The following SAFB2 variants were observed in gnomAD, a reference collection of about 807,000 sequenced individuals.
SAFB2 encodes the protein scaffold attachment factor B2.
SAFB2 carries 32 observed loss-of-function variants against 100.6 expected under a neutral mutation model. The observed-to-expected ratio is 0.32, with a 90% CI of 0.24 to 0.43. The LOEUF (loss-of-function observed/expected upper bound fraction) is 0.43, where lower values mean the gene tolerates loss of function less well. SAFB2 is among the 20% of genes least tolerant of loss of function. The probability of loss-of-function intolerance (pLI) is 1.00; values close to 1 mark genes in which losing one functional copy is unlikely to be tolerated. For missense variants in SAFB2, 1,185 were observed against 1,163.4 expected (o/e 1.02, Z -0.27); for synonymous variants, 500 against 439.4 (o/e 1.14, Z -1.72).
intron 1 of SAFB2, among the ~76,000 whole-genome samples, chr19:5,622,294 C>T (rs1374117966): frequency 6.6e-6 from 1 of 152,192 alleles, no homozygotes; most frequent in African/African-American, 2.4e-5. Context: ...GAAGACCGCA[C>T]GCTGAGCGCG....
At chr19:5,613,705 ACT>A (rs1286731756) in intron 4 of SAFB2, 178 bp from the exon 5 acceptor site, 2 of 985,048 alleles carry the variant, frequency 2.0e-6, no homozygotes, top group African/African-American at 3.5e-5. Context: ...ACACTCCACG[ACT>A]CTGCTCCACC....
Position 5,597,318 on chromosome 19 carries a change from A to G in SAFB2, c.1782+1475T>C, listed in dbSNP as rs557097199. ...TGGTGGCGCACACCTCTAATCCAGC[A>G]AGTTTGGAAGATCAAGGCGAGAGAA... On this transcript the variant is annotated intron_variant, in intron 13 of 20. Coordinates refer to ENST00000252542, the MANE Select transcript of SAFB2 (RefSeq NM_014649.3). Among the ~76,000 whole-genome samples, 6 of 152,320 alleles carry G rather than the reference A, an allele frequency of 3.9e-5. No homozygotes were observed. In the South Asian group the frequency reaches 1.2e-3, roughly 32 times the overall value.
Position 5,587,569 on chromosome 19 carries a change from T to G in SAFB2, c.2705+132A>C, listed in dbSNP as rs756211731. The G allele has an allele frequency of 3.4e-6, 5 of 1,449,422 alleles. No individual in the cohort carries two copies. The highest frequency in any genetic ancestry group is 4.6e-6 in the Non-Finnish European group (5 of 1,091,376). 89.8% of individuals were successfully genotyped at this position (1,449,422 alleles called of 1,614,324 possible). A position where few individuals can be genotyped will look rare whatever the true frequency, so the allele number is the denominator to read the frequency against. Reference sequence around the variant, plus strand: ...AGGTAACTCAAGAGCGTTATTTGCATAAATTGCAAAGAGCTGCTTTTTGCT... The same window carrying G: ...AGGTAACTCAAGAGCGTTATTTGCAGAAATTGCAAAGAGCTGCTTTTTGCT... On this transcript the variant is annotated intron_variant, in intron 20 of 20. Transcript: ENST00000252542. This position sits in a 1 kb window ranked among gnomAD's most constrained non-coding sequence, Gnocchi z 4.9.
chr19:5,610,885 T>A, intron 7 of SAFB2, 197 bp from the exon 8 acceptor site: 1 of 781,748 alleles, frequency 1.3e-6, no homozygotes, highest in Non-Finnish European at 2.0e-6. Flanking sequence ...TCAATTCGAT[T>A]TAGCTGAAGA....
Position 5,600,247 on chromosome 19 carries a change from T to C in SAFB2, c.1573A>G (p.Lys525Glu). ...EIKIEKTVIKKEEKIEKKEEK... is the reference protein window; with the variant it reads ...EIKIEKTVIKEEEKIEKKEEK... ...TCCTTCTTCTCAATCTTCTCTTCCTTCTTAATTACAGTTCTATTTAAAGAC... is the reference window on the plus strand; with the variant it reads ...TCCTTCTTCTCAATCTTCTCTTCCTCCTTAATTACAGTTCTATTTAAAGAC... The change falls in exon 12 of 21, where the codon AAG becomes GAG. Residue 525 changes from lysine (K) to glutamate (E), a missense_variant. Physicochemically the swap from Lys to Glu is moderately conservative, Grantham distance 56 (BLOSUM62 1). Transcript: ENST00000252542. 6.2e-7 allele frequency: 1 copy of C among 1,612,606 alleles called. No individual in the cohort carries two copies. Among genetic ancestry groups the C allele is most frequent in the South Asian group, 1.1e-5 (1 of 90,846 alleles).
At chr19:5,595,151 T>C (rs893566419) in intron 14 of SAFB2, among the ~76,000 whole-genome samples, 3 of 152,162 alleles carry the variant, frequency 2.0e-5, no homozygotes, top group Non-Finnish European at 4.4e-5. Flanking sequence ...ACCTGGCCCT[T>C]TGATGACTTT....
At chr19:5,622,494 C>T (rs1033097458) in intron 1 of SAFB2, 36 bp downstream of exon 1, 1 of 1,519,158 alleles carries the variant, frequency 6.6e-7, no homozygotes, top group Admixed American at 2.0e-5. Flanking sequence ...CGTGCCCGGG[C>T]CTCCTGCGCC....
chr19:5,601,147 TAA>T (rs1308273527), intron 11 of SAFB2, among the ~76,000 whole-genome samples: 1 of 152,190 alleles, frequency 6.6e-6, no homozygotes, highest in African/African-American at 2.4e-5. Flanking sequence ...GAGTTGTCTT[TAA>T]AAAAAATATA....
chr19:5,587,730 C>T lies in SAFB2; in HGVS notation c.2676G>A (p.Gly892=), dbSNP rs1259712832. Residue 892 remains glycine, a synonymous_variant, in exon 20 of 21, where the codon GGG becomes GGA. Transcript: ENST00000252542. The surrounding 1 kb of genome is among the most constrained non-coding windows in gnomAD (Gnocchi z 4.9). ...ERGLSGPSGP[G]HMASRGGVAG... ...CCACTCCACCGCGGCTTGCCATGTGCCCCGGCCCCGAGGGCCCAGACAGGC... is the reference window on the plus strand; with the variant it reads ...CCACTCCACCGCGGCTTGCCATGTGTCCCGGCCCCGAGGGCCCAGACAGGC... 2 of 1,552,366 alleles carry T rather than the reference C, an allele frequency of 1.3e-6. No individual in the cohort carries two copies. Among genetic ancestry groups the T allele is most frequent in the Non-Finnish European group, 1.7e-6 (2 of 1,147,486 alleles).
chr19:5,616,650 T>C lies in SAFB2; in HGVS notation c.275-164A>G, dbSNP rs1018793548. ...TTTGTCTCAATTTGTTTTCTTTTTTTTTTTTTTTTTTTTTTTTTTGAGATG... is the reference window on the plus strand; with the variant it reads ...TTTGTCTCAATTTGTTTTCTTTTTTCTTTTTTTTTTTTTTTTTTTGAGATG... On this transcript the variant is annotated intron_variant, in intron 2 of 20. Coordinates refer to ENST00000252542, the MANE Select transcript of SAFB2 (RefSeq NM_014649.3). 6.1e-5 allele frequency among the ~76,000 whole-genome samples: 8 copies of C among 130,546 alleles called. No individual in the cohort carries two copies. In the South Asian group the frequency reaches 8.2e-4, roughly 13 times the overall value. 85.6% of individuals were successfully genotyped at this position (130,546 alleles called of 152,430 possible).
rs201263017 is a variant in SAFB2, at chr19:5,587,254, G to A, written c.2851C>T (p.Arg951Cys). The change falls in exon 21 of 21, where the codon CGC becomes TGC. Residue 951 changes from arginine (R) to cysteine (C), a missense_variant. This residue lies in a region of SAFB2 where 740 missense variants were observed against 687.1 expected (regional missense o/e 1.08). Transcript: ENST00000252542. This position sits in a 1 kb window ranked among gnomAD's most constrained non-coding sequence, Gnocchi z 4.9. ...PHPPPYPHFT[R>C]RY ...GCAGCGAGTGGGACTTAGTAGCGGC[G>A]GGTGAAGTGGGGGTACGGGGGGGGA... 2.4e-5 allele frequency: 38 copies of A among 1,612,974 alleles called. No individual in the cohort carries two copies. The highest frequency in any genetic ancestry group is 1.5e-4 in the Admixed American group (9 of 59,990).
Position 5,604,855 on chromosome 19 carries a change from C to T in SAFB2, c.1378G>A (p.Glu460Lys). The change falls in exon 10 of 21, where the codon GAG (glutamate) becomes AAG (lysine). Residue 460 changes from glutamate (E) to lysine (K), a missense_variant. Physicochemically the swap from Glu to Lys is moderately conservative, Grantham distance 56. Transcript: ENST00000252542. ...YGFVTMSTSDEATKCISHLHR... is the reference protein window; with the variant it reads ...YGFVTMSTSDKATKCISHLHR... ...AGATGGCTGATGCACTTGGTCGCCT[C>T]GTCAGATGTCGACATGGTGACGAAT... 2 of 1,614,146 alleles carry T rather than the reference C, an allele frequency of 1.2e-6. No individual in the cohort carries two copies. Among genetic ancestry groups the T allele is most frequent in the Non-Finnish European group, 1.7e-6 (2 of 1,180,030 alleles).
At position 5,594,041 on chromosome 19, in the gene SAFB2, C is replaced by A. The variant is rs766649947; in HGVS notation, c.2057G>T (p.Arg686Leu). ...CACGCGCATGCGCTCGCGCTCCAGC[C>A]GCTCCCGCTCCATGCGCTCCCGCTC... ...RLERERMERE[R>L]LERERMRVER... is the part of the protein sequence containing the mutation. Residue 686 changes from arginine to leucine, a missense_variant, in exon 15 of 21, where the codon CGG becomes CTG. Transcript: ENST00000252542. 1.0e-5 allele frequency: 16 copies of A among 1,579,772 alleles called. 1 individual carries two copies. Among genetic ancestry groups the A allele is most frequent in the African/African-American group, 4.0e-5 (3 of 74,572 alleles).
intron 18 of SAFB2, among the ~76,000 whole-genome samples, chr19:5,589,598 C>A (rs112777922): frequency 6.6e-6 from 1 of 152,246 alleles, no homozygotes; most frequent in African/African-American, 2.4e-5. Flanking sequence ...TCACGGCCAG[C>A]CCAGACGGCA....
chr19:5,612,693 C>A, intron 5 of SAFB2, 126 bp from the exon 6 acceptor site: 3 of 727,614 alleles, frequency 4.1e-6, no homozygotes, highest in East Asian at 2.6e-5. Flanking sequence ...TTCTTGTCTC[C>A]AAAAAATGTA....
chr19:5,614,157 T>C (rs1259128681), intron 4 of SAFB2, among the ~76,000 whole-genome samples: 2 of 152,178 alleles, frequency 1.3e-5, no homozygotes, highest in African/African-American at 4.8e-5. Context: ...GGTTTCACCA[T>C]GTCCAGGCTG....
chr19:5,609,233 A>G (rs971850817), intron 9 of SAFB2, among the ~76,000 whole-genome samples: 1 of 151,096 alleles, frequency 6.6e-6, no homozygotes, highest in African/African-American at 2.4e-5. Context: ...AACCACGATC[A>G]TGTTCTAGTT....
At chr19:5,609,728 G>C (rs148040441) in intron 9 of SAFB2, among the ~76,000 whole-genome samples, 1 of 152,184 alleles carries the variant, frequency 6.6e-6, no homozygotes, top group African/African-American at 2.4e-5. Context: ...CCAACCACCT[G>C]CCCTGCTCCG....
At chr19:5,607,028 G>A (rs773235791) in intron 9 of SAFB2, among the ~76,000 whole-genome samples, 2 of 152,292 alleles carry the variant, frequency 1.3e-5, no homozygotes, top group South Asian at 2.1e-4. Context: ...TTGGGAGGCC[G>A]AGGTGGGAGG....
Sources: gnomAD v4.1 joint callset for allele counts (sites outside exome capture counted in the v4.1 genomes callset) on GRCh38, gnomAD v4.1.1 for gene constraint, gnomAD v4.1.1 regional missense constraint, Gnocchi (gnomAD v3.1) non-coding constraint, MANE v1.5 for transcripts, NCBI Gene and HGNC (gene_info 2026-07-23, HGNC 2026-07-21) for gene names.